Variants in CNTNAP4 observed in about 807,000 individuals in gnomAD.
The protein encoded by CNTNAP4 is contactin-associated protein-like 4.
Under a neutral mutation model 148.4 loss-of-function variants are expected in CNTNAP4, and 98 were observed. The observed-to-expected ratio is 0.66, with a 90% CI of 0.56 to 0.78. The LOEUF is 0.78. Ranked by LOEUF, CNTNAP4 falls within the 30% of genes least tolerant of loss-of-function variation. The probability of loss-of-function intolerance (pLI) is 0.00; values close to 1 mark genes in which losing one functional copy is unlikely to be tolerated. For missense variants in CNTNAP4, 1,935 were observed against 1,565.6 expected (o/e 1.24, Z -3.98); for synonymous variants, 730 against 565.1 (o/e 1.29, Z -4.14).
chr16:76,374,614 T>A (rs1420766688), intron 3 of CNTNAP4, among the ~76,000 whole-genome samples: 1 of 152,070 alleles, frequency 6.6e-6, no homozygotes, highest in Non-Finnish European at 1.5e-5. Flanking sequence ...TCTTTGTATT[T>A]ATGTACACAC....
At chr16:76,514,829 A>G (rs1450323985) in intron 15 of CNTNAP4, among the ~76,000 whole-genome samples, 1 of 152,222 alleles carries the variant, frequency 6.6e-6, no homozygotes, top group East Asian at 1.9e-4. Context: ...CATATAATTT[A>G]ATCTTAGAAT....
chr16:76,547,510 G>A (rs1015711855), intron 21 of CNTNAP4, among the ~76,000 whole-genome samples: 1 of 152,122 alleles, frequency 6.6e-6, no homozygotes, highest in Non-Finnish European at 1.5e-5. Context: ...AATTCATGGT[G>A]GTAGCAGTAA....
intron 2 of CNTNAP4, among the ~76,000 whole-genome samples, chr16:76,318,768 T>TA (rs1962089845): frequency 7.2e-6 from 1 of 138,046 alleles, no homozygotes; most frequent in Non-Finnish European, 1.5e-5. Flanking sequence ...TTCATAATAA[T>TA]AATCATAATC....
chr16:76,279,480 G>C (rs1464934085), intron 1 of CNTNAP4, among the ~76,000 whole-genome samples: 2 of 152,194 alleles, frequency 1.3e-5, no homozygotes, highest in Non-Finnish European at 2.9e-5. Flanking sequence ...AAAGAGATCT[G>C]AGGAGAGTGT....
intron 7 of CNTNAP4, among the ~76,000 whole-genome samples, chr16:76,450,454 C>G (rs1247895677): frequency 6.6e-6 from 1 of 152,180 alleles, no homozygotes; most frequent in Non-Finnish European, 1.5e-5. Flanking sequence ...CCAGCCTGCT[C>G]TGTGATTTTT....
chr16:76,397,669 G>A (rs1461452904), intron 3 of CNTNAP4, among the ~76,000 whole-genome samples: 1 of 151,724 alleles, frequency 6.6e-6, no homozygotes, highest in Non-Finnish European at 1.5e-5. Flanking sequence ...GAGAACCTCT[G>A]TATGCTAGAA....
At chr16:76,407,875 A>G (rs894252578) in intron 3 of CNTNAP4, among the ~76,000 whole-genome samples, 1 of 152,102 alleles carries the variant, frequency 6.6e-6, no homozygotes, top group African/African-American at 2.4e-5. Context: ...CATGCTACAG[A>G]GAAGTCTTTC....
At chr16:76,402,354 G>GT (rs202006914) in intron 3 of CNTNAP4, among the ~76,000 whole-genome samples, 1 of 149,694 alleles carries the variant, frequency 6.7e-6, no homozygotes, top group African/African-American at 2.5e-5. Flanking sequence ...TGTTTCTGAT[G>GT]TTTGGTGTTT....
At chr16:76,286,554 G>A (rs901978053) in intron 1 of CNTNAP4, among the ~76,000 whole-genome samples, 1 of 152,076 alleles carries the variant, frequency 6.6e-6, no homozygotes, top group African/African-American at 2.4e-5. Flanking sequence ...TCCCACCGTG[G>A]GTGCTAGTCT....
intron 21 of CNTNAP4, among the ~76,000 whole-genome samples, chr16:76,541,294 C>G (rs2084443938): frequency 6.6e-6 from 1 of 152,182 alleles, no homozygotes; most frequent in African/African-American, 2.4e-5. Flanking sequence ...CAGATGCAAT[C>G]TAAATGCCTT....
intron 1 of CNTNAP4, among the ~76,000 whole-genome samples, chr16:76,286,218 T>A (rs1276149029): frequency 3.5e-5 from 5 of 144,450 alleles, no homozygotes; most frequent in South Asian, 2.2e-4. Context: ...TGTGTGTGTG[T>A]GAAGATAACT....
intron 17 of CNTNAP4, among the ~76,000 whole-genome samples, chr16:76,529,843 C>CTG (rs35748962): frequency 0.16 from 22,953 of 147,416 alleles, 2,620 homozygotes; most frequent in African/African-American, 0.33. Flanking sequence ...TGAATCTCAG[C>CTG]TGTGTGTGTG....
chr16:76,471,135 TA>T (rs1227707173), intron 10 of CNTNAP4, among the ~76,000 whole-genome samples: 1 of 151,664 alleles, frequency 6.6e-6, no homozygotes, highest in African/African-American at 2.4e-5. Context: ...CACACACTCT[TA>T]GAAGCCCTCC....
chr16:76,464,673 G>A (rs1000549415), intron 9 of CNTNAP4, among the ~76,000 whole-genome samples: 8 of 152,238 alleles, frequency 5.3e-5, no homozygotes, highest in South Asian at 2.1e-4. Context: ...CCAACAGCCC[G>A]GGTTATACCT....
At chr16:76,452,004 T>C (rs1205190374) in intron 7 of CNTNAP4, among the ~76,000 whole-genome samples, 2 of 151,900 alleles carry the variant, frequency 1.3e-5, no homozygotes, top group African/African-American at 2.4e-5. Context: ...CTCATAAATA[T>C]ATACAACTAT....
At chr16:76,500,255 G>C (rs1032505594) in intron 15 of CNTNAP4, among the ~76,000 whole-genome samples, 1 of 152,192 alleles carries the variant, frequency 6.6e-6, no homozygotes, top group Non-Finnish European at 1.5e-5. Context: ...CGGACGGGGC[G>C]GCTGGCCGGG....
intron 9 of CNTNAP4, among the ~76,000 whole-genome samples, chr16:76,466,884 A>G (rs533640486): frequency 4.2e-4 from 64 of 152,206 alleles, no homozygotes; most frequent in Non-Finnish European, 7.2e-4. Context: ...TTCCAAGCCA[A>G]GAGAACCCAT....
intron 4 of CNTNAP4, among the ~76,000 whole-genome samples, chr16:76,446,197 A>C (rs1293708055): frequency 1.3e-5 from 2 of 152,202 alleles, no homozygotes; most frequent in African/African-American, 4.8e-5. Context: ...GGATAATCTG[A>C]ATCAAATGCA....
chr16:76,376,190 CA>C (rs200676851), intron 3 of CNTNAP4, among the ~76,000 whole-genome samples: 3 of 151,178 alleles, frequency 2.0e-5, no homozygotes, highest in Non-Finnish European at 4.4e-5. Flanking sequence ...CAATTAAATG[CA>C]AAAAAAATAC....
Sources: allele counts gnomAD v4.1 joint callset (sites outside exome capture counted in the v4.1 genomes callset), GRCh38; gene constraint gnomAD v4.1.1; transcripts MANE v1.5; gene names NCBI Gene and HGNC (gene_info 2026-07-23, HGNC 2026-07-21).